KAZN: variants seen among roughly 807,000 people sequenced by gnomAD.
KAZN encodes the protein kazrin.
KAZN carries 40 observed loss-of-function variants against 87.4 expected under a neutral mutation model. The observed-to-expected ratio is 0.46, with a 90% CI of 0.36 to 0.60. The LOEUF (loss-of-function observed/expected upper bound fraction) is 0.60, where lower values mean the gene tolerates loss of function less well. KAZN is among the 20% of genes least tolerant of loss of function. The pLI is 0.00. For synonymous variants in KAZN, 466 were observed against 458.3 expected, an observed-to-expected ratio of 1.02 and a Z score of -0.22; for missense variants, 898 against 1,073.9, an observed-to-expected ratio of 0.84 and a Z score of 2.29.
At chr1:13,944,870 C>T (rs1387599829) in intron 1 of KAZN, among the ~76,000 whole-genome samples, 1 of 151,806 alleles carries the variant, frequency 6.6e-6, no homozygotes, top group Non-Finnish European at 1.5e-5. Flanking sequence ...TTGATATAAA[C>T]CTGGATATAT....
intron 2 of KAZN, among the ~76,000 whole-genome samples, chr1:14,529,310 T>C (rs1436310116): frequency 6.6e-6 from 1 of 152,082 alleles, no homozygotes; most frequent in Non-Finnish European, 1.5e-5. Context: ...ATCTAAAAAA[T>C]AAATAATTGT....
intron 2 of KAZN, among the ~76,000 whole-genome samples, chr1:15,002,197 C>T (rs1320949553): frequency 1.3e-5 from 2 of 152,064 alleles, no homozygotes; most frequent in Admixed American, 6.6e-5. Flanking sequence ...CTTATGTATT[C>T]GACGGTCACA....
chr1:14,551,652 A>G (rs1179808677), intron 2 of KAZN, among the ~76,000 whole-genome samples: 1 of 152,158 alleles, frequency 6.6e-6, no homozygotes, highest in African/African-American at 2.4e-5. Flanking sequence ...GGCTTGAGAT[A>G]TTGGTGAGTT....
intron 2 of KAZN, among the ~76,000 whole-genome samples, chr1:14,462,346 T>G (rs1413009833): frequency 6.6e-6 from 1 of 152,078 alleles, no homozygotes; most frequent in Non-Finnish European, 1.5e-5. Flanking sequence ...AGCTTTCCTG[T>G]GCAGGAAGCA....
chr1:15,093,045 C>T (rs1367726848), intron 8 of KAZN, among the ~76,000 whole-genome samples: 3 of 151,986 alleles, frequency 2.0e-5, no homozygotes, highest in African/African-American at 4.8e-5. Context: ...ACGACTGCCG[C>T]TGTGTTGTTT....
At chr1:14,807,423 A>G (rs535825505) in intron 1 of KAZN, among the ~76,000 whole-genome samples, 1 of 152,322 alleles carries the variant, frequency 6.6e-6, no homozygotes, top group Middle Eastern at 3.4e-3. Context: ...TGTTCTCTTA[A>G]CTGACTCTGG....
At chr1:14,350,337 A>G (rs1658445656) in intron 2 of KAZN, among the ~76,000 whole-genome samples, 1 of 152,168 alleles carries the variant, frequency 6.6e-6, no homozygotes, top group Admixed American at 6.5e-5. Context: ...AACAATGATG[A>G]AAAGATTGCC....
At position 15,056,433 on chromosome 1, in the gene KAZN, G is replaced by A. The variant is rs932486961; in HGVS notation, c.916+153G>A. Among the ~76,000 whole-genome samples, 12 of 152,182 alleles carry A rather than the reference G, an allele frequency of 7.9e-5. No individual in the cohort carries two copies. The highest frequency in any genetic ancestry group is 1.5e-5 in the Non-Finnish European group (1 of 68,034). On this transcript the variant is annotated intron_variant, in intron 5 of 14. Coordinates refer to ENST00000376030, the MANE Select transcript of KAZN (RefSeq NM_201628.3). The surrounding 1 kb of genome is among the most constrained non-coding windows in gnomAD (Gnocchi z 5.4). Reference sequence around the variant, plus strand: ...GGGCTCATGTAACTGAAAAATCTAAGAGATGGACAGCAGGCATAGCTGGAT... The same window carrying A: ...GGGCTCATGTAACTGAAAAATCTAAAAGATGGACAGCAGGCATAGCTGGAT...
Position 14,256,589 on chromosome 1 carries a change from T to C in KAZN, c.249+75997T>C, listed in dbSNP as rs992484283. ...TTATTTAGAACATTCTAGAAAAAAA[T>C]GGCAGAGGAAATTGCATTGGCTTTC... On this transcript the variant is annotated intron_variant, in intron 2 of 16. Transcript: ENST00000636203. 9.2e-5 allele frequency among the ~76,000 whole-genome samples: 14 copies of C among 152,004 alleles called. No homozygotes were observed. The South Asian group carries it at 2.9e-3, about 32-fold the overall frequency.
At chr1:14,312,709 T>C (rs1026272048) in intron 2 of KAZN, among the ~76,000 whole-genome samples, 4 of 152,138 alleles carry the variant, frequency 2.6e-5, no homozygotes, top group Non-Finnish European at 5.9e-5. Flanking sequence ...ACTTGAATGA[T>C]TGGGTTACAG....
chr1:14,360,861 C>T (rs920024729), intron 2 of KAZN, among the ~76,000 whole-genome samples: 10 of 152,314 alleles, frequency 6.6e-5, no homozygotes, highest in East Asian at 3.9e-4. Context: ...CTCTCCTGTA[C>T]GAGGTGCCTG....
chr1:15,079,720 C>T (rs1464137086), intron 8 of KAZN, among the ~76,000 whole-genome samples: 1 of 152,050 alleles, frequency 6.6e-6, no homozygotes, highest in Non-Finnish European at 1.5e-5. Context: ...AGAAGCCTGC[C>T]GGGAAAACAT....
At chr1:14,125,858 A>G (rs1644853288) in intron 1 of KAZN, among the ~76,000 whole-genome samples, 1 of 150,294 alleles carries the variant, frequency 6.7e-6, no homozygotes, top group Non-Finnish European at 1.5e-5. Context: ...GATTTGCAGA[A>G]CCGTTAGATT....
chr1:14,043,782 C>T lies in KAZN; in HGVS notation c.92-136653C>T, dbSNP rs116847098. Among the ~76,000 whole-genome samples, 28 of 152,218 alleles carry T rather than the reference C, an allele frequency of 1.8e-4. No homozygotes were observed. The East Asian group carries it at 5.2e-3, about 28-fold the overall frequency. On this transcript the variant is annotated intron_variant, in intron 1 of 16. Transcript: ENST00000636203. Reference sequence around the variant, plus strand: ...AGGTGCTATTTCATATGTAACATATCCCCATGTTACATATGAAAAGCTGAT... The same window carrying T: ...AGGTGCTATTTCATATGTAACATATTCCCATGTTACATATGAAAAGCTGAT...
intron 1 of KAZN, among the ~76,000 whole-genome samples, chr1:14,005,551 C>T (rs1014285797): frequency 1.3e-5 from 2 of 151,910 alleles, no homozygotes; most frequent in South Asian, 2.1e-4. Flanking sequence ...TGGGTATGTC[C>T]GAAGTTCAGA....
chr1:13,962,582 G>C (rs953285808), intron 1 of KAZN, among the ~76,000 whole-genome samples: 1 of 152,098 alleles, frequency 6.6e-6, no homozygotes, highest in African/African-American at 2.4e-5. Flanking sequence ...TTTTGAGATG[G>C]AGTCTTGCTC....
chr1:15,061,624 A>G (rs1246853565), intron 6 of KAZN: 1 of 152,190 alleles, frequency 6.6e-6, no homozygotes, highest in Non-Finnish European at 1.5e-5. Flanking sequence ...GGCTCAAACA[A>G]TTCTCCTGCC....
In KAZN at chr1:14,833,773, G is replaced by A. The variant is rs112114294; in HGVS notation, c.227-126911G>A. On this transcript the variant is annotated intron_variant, in intron 1 of 14. Transcript: ENST00000376030. ...CCTCGTCCCGGAACCCTTGCTAATA[G>A]ACCCTGGAGCCAGGTGTTGCCGCTC... 3.3e-5 allele frequency among the ~76,000 whole-genome samples: 5 copies of A among 152,176 alleles called. No individual in the cohort carries two copies. The East Asian group carries it at 5.8e-4, about 18-fold the overall frequency.
At chr1:14,238,679 C>T (rs1243557958) in intron 2 of KAZN, among the ~76,000 whole-genome samples, 2 of 152,218 alleles carry the variant, frequency 1.3e-5, no homozygotes, top group Non-Finnish European at 2.9e-5. Flanking sequence ...TACAGCTGGC[C>T]CTCAGAGGGT....
Sources: gnomAD v4.1 joint callset for allele counts (sites outside exome capture counted in the v4.1 genomes callset) on GRCh38, gnomAD v4.1.1 for gene constraint, Gnocchi (gnomAD v3.1) non-coding constraint, MANE v1.5 for transcripts, NCBI Gene and HGNC (gene_info 2026-07-23, HGNC 2026-07-21) for gene names.